The following RPS6KA5 variants were observed in gnomAD, a reference collection of about 807,000 sequenced individuals.
The protein encoded by RPS6KA5 is ribosomal protein S6 kinase alpha-5.
A neutral mutation model predicts 85.5 loss-of-function variants in RPS6KA5; 27 were observed. The observed-to-expected ratio is 0.32, with a 90% confidence interval of 0.23 to 0.44. The LOEUF (loss-of-function observed/expected upper bound fraction) is 0.44. Ranked by LOEUF, RPS6KA5 falls within the 20% of genes least tolerant of loss-of-function variation. The pLI is 1.00. For synonymous variants in RPS6KA5, 334 were observed against 348.2 expected (o/e 0.96, Z 0.46); for missense variants, 811 against 980.9 (o/e 0.83, Z 2.31).
At chr14:90,916,354 A>T (rs143251083) in intron 7 of RPS6KA5, among the ~76,000 whole-genome samples, 2 of 152,292 alleles carry the variant, frequency 1.3e-5, no homozygotes, top group Non-Finnish European at 2.9e-5. Flanking sequence ...TTGAAATTTG[A>T]TATACTAGAA....
intron 13 of RPS6KA5, among the ~76,000 whole-genome samples, chr14:90,893,627 T>C (rs1234940727): frequency 6.6e-6 from 1 of 152,146 alleles, no homozygotes; most frequent in African/African-American, 2.4e-5. Flanking sequence ...GAACATATTA[T>C]AATCACATGA....
At chr14:91,004,981 C>CA (rs1029072914) in intron 1 of RPS6KA5, among the ~76,000 whole-genome samples, 2 of 147,430 alleles carry the variant, frequency 1.4e-5, no homozygotes, top group South Asian at 2.1e-4. Context: ...AAAAAAAAAA[C>CA]AAAAAAACAA....
intron 2 of RPS6KA5, among the ~76,000 whole-genome samples, chr14:90,983,783 TTCTTTC>T (rs1342399041): frequency 1.4e-4 from 19 of 132,022 alleles, no homozygotes; most frequent in Admixed American, 1.1e-3. Context: ...CTTTCTTTCT[TTCTTTC>T]TCTCTCTCTC....
intron 2 of RPS6KA5, among the ~76,000 whole-genome samples, chr14:90,990,782 T>C (rs756907200): frequency 2.6e-5 from 4 of 151,980 alleles, no homozygotes; most frequent in Non-Finnish European, 4.4e-5. Flanking sequence ...CAAACTGATG[T>C]AGGAAAAGAA....
chr14:90,910,486 T>C (rs189613041), intron 7 of RPS6KA5, among the ~76,000 whole-genome samples: 4 of 151,542 alleles, frequency 2.6e-5, no homozygotes, highest in Admixed American at 6.6e-5. Flanking sequence ...TGTGTGAGTG[T>C]CCACTGTAAC....
chr14:90,926,664 A>AGTGTGTGTGTGT lies in RPS6KA5; in HGVS notation c.619-3480_619-3469dup, dbSNP rs59637202. Among the ~76,000 whole-genome samples the AGTGTGTGTGTGT allele has an allele frequency of 1.9e-3, 270 of 143,312 alleles. 2 individuals are homozygous for AGTGTGTGTGTGT. Among genetic ancestry groups the AGTGTGTGTGTGT allele is most frequent in the Middle Eastern group, 7.0e-3 (2 of 286 alleles). The allele number at this position is 143,312 out of a possible 152,430, so 94.0% of individuals were successfully genotyped here. On this transcript the variant is annotated intron_variant, in intron 5 of 16. Transcript: ENST00000614987. ...GTATGTGTATATATATATATATTTA[A>AGTGTGTGTGTGT]GTGTGTGTGTGTGTGTGTGTGTGTG... is the stretch of plus-strand genomic sequence containing the variant.
chr14:90,914,837 T>C (rs1323539161), intron 7 of RPS6KA5, among the ~76,000 whole-genome samples: 2 of 152,232 alleles, frequency 1.3e-5, no homozygotes, highest in Non-Finnish European at 2.9e-5. Flanking sequence ...TGCTGGACTC[T>C]AGTCCGGAGC....
At chr14:91,059,325 A>G (rs2043509186) in intron 1 of RPS6KA5, among the ~76,000 whole-genome samples, 1 of 147,096 alleles carries the variant, frequency 6.8e-6, no homozygotes, top group Non-Finnish European at 1.5e-5. Flanking sequence ...GAGCAACAAG[A>G]GCGAAACTCT....
chr14:90,878,934 G>A lies in RPS6KA5; in HGVS notation c.1837-3574C>T, dbSNP rs534763100. Among the ~76,000 whole-genome samples the A allele has an allele frequency of 9.8e-5, 15 of 152,342 alleles. No individual in the cohort carries two copies. The East Asian group carries it at 2.9e-3, about 29-fold the overall frequency. On this transcript the variant is annotated intron_variant, in intron 14 of 16. Transcript: ENST00000614987. Reference sequence around the variant, plus strand: ...GCTACTTGGGCCATAGGTTTCAGTTGCTCTGATTGTACTACAGGTATCTGT... The same window carrying A: ...GCTACTTGGGCCATAGGTTTCAGTTACTCTGATTGTACTACAGGTATCTGT...
Position 90,909,627 on chromosome 14 carries a change from A to G in RPS6KA5, c.807-3328T>C, listed in dbSNP as rs377296786. On this transcript the variant is annotated intron_variant, in intron 7 of 16. Coordinates refer to ENST00000614987, the MANE Select transcript of RPS6KA5 (RefSeq NM_004755.4). ...TGCAAAATATACAGCACAAGTAAGA[A>G]AATTCTAAGAAAGCAAATTGGGTTG... Among the ~76,000 whole-genome samples the G allele has an allele frequency of 3.9e-5, 6 of 152,336 alleles. No homozygotes were observed. In the East Asian group the frequency reaches 9.6e-4, roughly 24 times the overall value.
intron 2 of RPS6KA5, among the ~76,000 whole-genome samples, chr14:90,992,093 G>GA (rs1166878517): frequency 6.6e-6 from 1 of 151,978 alleles, no homozygotes; most frequent in African/African-American, 2.4e-5. Flanking sequence ...AAGTAGTGCT[G>GA]AAAAAAATTT....
At chr14:90,991,039 GAA>G (rs1234318808) in intron 2 of RPS6KA5, among the ~76,000 whole-genome samples, 5 of 151,868 alleles carry the variant, frequency 3.3e-5, no homozygotes, top group Non-Finnish European at 7.4e-5. Flanking sequence ...AAAAGTTGGG[GAA>G]AAAAATAGAA....
intron 7 of RPS6KA5, among the ~76,000 whole-genome samples, chr14:90,915,888 T>C (rs1421211062): frequency 2.6e-5 from 4 of 151,848 alleles, no homozygotes; most frequent in Admixed American, 1.3e-4. Context: ...CACATGTACA[T>C]GTATTTTAAA....
intron 2 of RPS6KA5, among the ~76,000 whole-genome samples, chr14:90,996,923 C>T (rs2040549253): frequency 1.3e-5 from 2 of 152,050 alleles, no homozygotes; most frequent in Admixed American, 1.3e-4. Context: ...TTTGTTTACC[C>T]AAACCCTATT....
intron 1 of RPS6KA5, among the ~76,000 whole-genome samples, chr14:91,034,590 G>A (rs1010780685): frequency 2.0e-5 from 3 of 152,090 alleles, no homozygotes; most frequent in East Asian, 1.9e-4. Flanking sequence ...CTGTAAAATG[G>A]ACCAATCAGC....
At chr14:90,999,033 G>A (rs1233478489) in intron 2 of RPS6KA5, among the ~76,000 whole-genome samples, 1 of 152,116 alleles carries the variant, frequency 6.6e-6, no homozygotes, top group African/African-American at 2.4e-5. Context: ...TTCAAGACCA[G>A]CCTAGTCAAA....
intron 1 of RPS6KA5, among the ~76,000 whole-genome samples, chr14:91,047,820 G>A (rs1036518408): frequency 6.6e-6 from 1 of 152,182 alleles, no homozygotes; most frequent in African/African-American, 2.4e-5. Context: ...CCTGCTTCTA[G>A]AGGCTGTCTG....
At position 90,944,928 on chromosome 14, in the gene RPS6KA5, G is replaced by A. The variant is rs2037791536; in HGVS notation, c.511-1743C>T. On this transcript the variant is annotated intron_variant, in intron 4 of 16. Coordinates refer to ENST00000614987, the MANE Select transcript of RPS6KA5 (RefSeq NM_004755.4). Reference sequence around the variant, plus strand: ...CCATATGTCTATTTTTAGACCCAATGTCTCTATTTTTTTTTTTTTTAAAAG... The same window carrying A: ...CCATATGTCTATTTTTAGACCCAATATCTCTATTTTTTTTTTTTTTAAAAG... Among the ~76,000 whole-genome samples the A allele has an allele frequency of 3.4e-5, 3 of 88,668 alleles. No individual in the cohort carries two copies. The South Asian group carries it at 1.2e-3, about 37-fold the overall frequency. 58.2% of individuals were successfully genotyped at this position (88,668 alleles called of 152,430 possible). A position where few individuals can be genotyped will look rare whatever the true frequency, so the allele number is the denominator to read the frequency against.
chr14:91,049,760 T>C lies in RPS6KA5; in HGVS notation c.103+10572A>G, dbSNP rs981990844. 7.9e-5 allele frequency among the ~76,000 whole-genome samples: 12 copies of C among 152,204 alleles called. 1 individual carries two copies. The highest frequency in any genetic ancestry group is 5.2e-4 in the Admixed American group (8 of 15,278). On this transcript the variant is annotated intron_variant, in intron 1 of 16. Transcript: ENST00000614987. The stretch of plus-strand genomic sequence containing the variant: ...TGATTTCATGGTTGCACAAACACCA[T>C]AGAGTTTACTTACACAAACCTAGAT...
Sources: allele counts gnomAD v4.1 joint callset (sites outside exome capture counted in the v4.1 genomes callset), GRCh38; gene constraint gnomAD v4.1.1; transcripts MANE v1.5; gene names NCBI Gene and HGNC (gene_info 2026-07-23, HGNC 2026-07-21).